Variants in FAM107B observed in about 807,000 individuals in gnomAD.
FAM107B encodes the protein family with sequence similarity 107 member B.
In FAM107B, 21 loss-of-function variants were observed where a neutral mutation model predicts 31.5. That is an observed-to-expected ratio of 0.67 (90% confidence interval 0.47 to 0.96). FAM107B has a LOEUF of 0.96. Among genes scored for constraint, FAM107B ranks in the 40% least tolerant of loss-of-function variants. The pLI, the probability that FAM107B is intolerant of heterozygous loss-of-function variation, is 0.00. For synonymous variants in FAM107B, 157 were observed against 141.5 expected (o/e 1.11, Z -0.78); for missense variants, 452 against 377.1 (o/e 1.20, Z -1.64).
At chr10:14,739,636 A>G (rs1856389918) in intron 1 of FAM107B, among the ~76,000 whole-genome samples, 1 of 152,204 alleles carries the variant, frequency 6.6e-6, no homozygotes, top group Admixed American at 6.5e-5. Context: ...TGAATGAATG[A>G]ATGAGCGAAT....
chr10:14,641,442 C>T (rs1215551552), intron 2 of FAM107B, among the ~76,000 whole-genome samples: 1 of 152,158 alleles, frequency 6.6e-6, no homozygotes, highest in Non-Finnish European at 1.5e-5. Flanking sequence ...GCCGCCATAA[C>T]AAAATCCCAT....
chr10:14,753,983 G>A (rs1344823673), intron 1 of FAM107B, among the ~76,000 whole-genome samples: 3 of 146,886 alleles, frequency 2.0e-5, no homozygotes, highest in Non-Finnish European at 4.5e-5. Flanking sequence ...CTGTCACCCA[G>A]GCTGGAGTGC....
intron 2 of FAM107B, among the ~76,000 whole-genome samples, chr10:14,657,958 A>G (rs1315839565): frequency 1.3e-5 from 2 of 151,872 alleles, no homozygotes; most frequent in African/African-American, 4.8e-5. Context: ...CTGCAGTCAC[A>G]CACCACCACA....
chr10:14,711,009 T>A (rs1428819724), intron 1 of FAM107B, among the ~76,000 whole-genome samples: 2 of 151,992 alleles, frequency 1.3e-5, no homozygotes, highest in African/African-American at 4.8e-5. Flanking sequence ...GCCTCAAAGG[T>A]TCAAGTGATT....
chr10:14,705,652 C>A (rs975055390), intron 1 of FAM107B, among the ~76,000 whole-genome samples: 1 of 151,950 alleles, frequency 6.6e-6, no homozygotes, highest in Admixed American at 6.6e-5. Context: ...CCTACAAGGT[C>A]CCTAGAGTAG....
At chr10:14,770,621 A>G (rs1460061527) in intron 1 of FAM107B, among the ~76,000 whole-genome samples, 2 of 152,224 alleles carry the variant, frequency 1.3e-5, no homozygotes, top group Non-Finnish European at 2.9e-5. Flanking sequence ...CAACTACAAG[A>G]CCACTAAGAA....
chr10:14,653,152 T>C (rs1853945287), intron 2 of FAM107B, among the ~76,000 whole-genome samples: 1 of 152,264 alleles, frequency 6.6e-6, no homozygotes, highest in Non-Finnish European at 1.5e-5. Flanking sequence ...AATGGTCCAC[T>C]GCCACGGTAT....
At chr10:14,675,029 G>T (rs1854648464) in intron 1 of FAM107B, among the ~76,000 whole-genome samples, 1 of 152,140 alleles carries the variant, frequency 6.6e-6, no homozygotes, top group Non-Finnish European at 1.5e-5. Context: ...ACTGATTTAA[G>T]CCCCTTCTCT....
intron 2 of FAM107B, among the ~76,000 whole-genome samples, chr10:14,564,272 A>C (rs892833364): frequency 6.6e-6 from 1 of 152,204 alleles, no homozygotes; most frequent in African/African-American, 2.4e-5. Context: ...TTCTGCTTAA[A>C]AAAAGACTGC....
At chr10:14,636,405 C>G (rs1853501948) in intron 2 of FAM107B, among the ~76,000 whole-genome samples, 1 of 152,030 alleles carries the variant, frequency 6.6e-6, no homozygotes, top group African/African-American at 2.4e-5. Flanking sequence ...TGTCTACATA[C>G]CTCTAACTCT....
intron 1 of FAM107B, among the ~76,000 whole-genome samples, chr10:14,688,781 C>G (rs562232923): frequency 6.6e-6 from 1 of 152,286 alleles, no homozygotes; most frequent in South Asian, 2.1e-4. Flanking sequence ...TCCGCCCACA[C>G]CTTCCTGCTG....
intron 1 of FAM107B, among the ~76,000 whole-genome samples, chr10:14,759,125 C>T (rs905781790): frequency 6.7e-6 from 1 of 149,686 alleles, no homozygotes; most frequent in Non-Finnish European, 1.5e-5. Context: ...TGCAGTGAGC[C>T]GAGATCGCAC....
At chr10:14,595,421 C>A (rs930904902) in intron 2 of FAM107B, among the ~76,000 whole-genome samples, 1 of 44,328 alleles carries the variant, frequency 2.3e-5, no homozygotes, top group East Asian at 8.2e-4. Flanking sequence ...CCTAGGGCAA[C>A]CTTTTTTTTT....
chr10:14,551,331 G>T (rs1849242610), intron 2 of FAM107B, among the ~76,000 whole-genome samples: 1 of 152,100 alleles, frequency 6.6e-6, no homozygotes, highest in Non-Finnish European at 1.5e-5. Flanking sequence ...TTTCAGTAGA[G>T]ACGGGGTTTC....
At chr10:14,525,587 G>A (rs1846142458) in intron 3 of FAM107B, among the ~76,000 whole-genome samples, 1 of 152,108 alleles carries the variant, frequency 6.6e-6, no homozygotes, top group Non-Finnish European at 1.5e-5. Context: ...CCTGCATCCA[G>A]AGATAACTCT....
At chr10:14,606,548 T>A (rs2131385615) in intron 2 of FAM107B, among the ~76,000 whole-genome samples, 1 of 152,244 alleles carries the variant, frequency 6.6e-6, no homozygotes, top group South Asian at 2.1e-4. Flanking sequence ...AGCCCTAACC[T>A]CCAATGTGAC....
chr10:14,584,564 A>G (rs72768940), intron 2 of FAM107B, among the ~76,000 whole-genome samples: 2,331 of 152,312 alleles, frequency 0.015, 28 homozygotes, highest in Non-Finnish European at 0.026. Flanking sequence ...CCCAAAAGGG[A>G]TGGAGAAACC....
intron 2 of FAM107B, among the ~76,000 whole-genome samples, chr10:14,590,417 A>T (rs1851976930): frequency 6.6e-6 from 1 of 152,210 alleles, no homozygotes; most frequent in South Asian, 2.1e-4. Context: ...CAAACAACAC[A>T]TTGTGGCAAA....
At chr10:14,591,970 T>G (rs993298008) in intron 2 of FAM107B, among the ~76,000 whole-genome samples, 1 of 152,142 alleles carries the variant, frequency 6.6e-6, no homozygotes, top group African/African-American at 2.4e-5. Flanking sequence ...AAAGGAACTG[T>G]TCTATATGTA....
Sources: allele counts gnomAD v4.1 joint callset (sites outside exome capture counted in the v4.1 genomes callset), GRCh38; gene constraint gnomAD v4.1.1; transcripts MANE v1.5; gene names NCBI Gene and HGNC (gene_info 2026-07-23, HGNC 2026-07-21).